The following CDH18 variants were observed in gnomAD, a reference collection of about 807,000 sequenced individuals.
CDH18 encodes cadherin-18.
CDH18 carries 31 observed loss-of-function variants against 67.9 expected under a neutral mutation model. That is an observed-to-expected ratio of 0.46 (90% CI 0.34 to 0.62). The LOEUF (loss-of-function observed/expected upper bound fraction) is 0.62. CDH18 is among the 20% of genes least tolerant of loss of function. The pLI is 0.01. For synonymous variants in CDH18, 362 were observed against 347.2 expected (o/e 1.04, Z -0.48); for missense variants, 890 against 975.5 (o/e 0.91, Z 1.17).
intron 2 of CDH18, among the ~76,000 whole-genome samples, chr5:20,097,194 T>C (rs1746060992): frequency 6.6e-6 from 1 of 152,156 alleles, no homozygotes; most frequent in African/African-American, 2.4e-5. Context: ...GACCACTAGC[T>C]CATCCCCAGT....
intron 4 of CDH18, among the ~76,000 whole-genome samples, chr5:19,740,944 AG>A (rs1316988712): frequency 6.6e-6 from 1 of 152,118 alleles, no homozygotes; most frequent in Admixed American, 6.5e-5. Context: ...TCACAAAAAA[AG>A]GAAAATTTAA....
At chr5:20,431,504 A>AAAAAAGAAGAAG (rs536468948) in intron 1 of CDH18, among the ~76,000 whole-genome samples, 2 of 138,810 alleles carry the variant, frequency 1.4e-5, no homozygotes, top group Admixed American at 7.2e-5. Context: ...AAAAAAAAAA[A>AAAAAAGAAGAAG]AAGAAGAAGA....
At chr5:20,328,117 A>G (rs1217705039) in intron 1 of CDH18, among the ~76,000 whole-genome samples, 1 of 151,888 alleles carries the variant, frequency 6.6e-6, no homozygotes, top group Non-Finnish European at 1.5e-5. Context: ...ATGAGGGAGG[A>G]AGGAAGCCTT....
chr5:19,956,483 A>G (rs1366281659), intron 2 of CDH18, among the ~76,000 whole-genome samples: 1 of 151,926 alleles, frequency 6.6e-6, no homozygotes, highest in Admixed American at 6.6e-5. Flanking sequence ...CTTTCATTAC[A>G]GAGTGATGCT....
chr5:19,503,472 A>C (rs1356748142), intron 10 of CDH18, among the ~76,000 whole-genome samples: 1 of 152,104 alleles, frequency 6.6e-6, no homozygotes, highest in Non-Finnish European at 1.5e-5. Context: ...TAAATATCCC[A>C]GTGTTGATTC....
intron 5 of CDH18, among the ~76,000 whole-genome samples, chr5:19,673,083 T>C (rs1758974722): frequency 6.6e-6 from 1 of 152,060 alleles, no homozygotes; most frequent in South Asian, 2.1e-4. Flanking sequence ...TTTGTGACAT[T>C]AGTGAATTAC....
rs575981602 is a variant in CDH18, at chr5:19,526,187, C to T, written c.1391-5409G>A. Among the ~76,000 whole-genome samples, 183 of 152,168 alleles carry T rather than the reference C, an allele frequency of 1.2e-3. 3 individuals carry two copies. In the South Asian group the frequency reaches 0.034, roughly 28 times the overall value. ...CGGTAACTATGTCAACTTTATAATA[C>T]TGAGCCTGGGAAAAAGCAGAATGTA... On this transcript the variant is annotated intron_variant, in intron 9 of 12. Coordinates refer to ENST00000382275, the MANE Select transcript of CDH18 (RefSeq NM_004934.5).
chr5:20,100,816 G>T (rs939765104), intron 2 of CDH18, among the ~76,000 whole-genome samples: 6 of 151,832 alleles, frequency 4.0e-5, no homozygotes, highest in African/African-American at 7.3e-5. Context: ...AAAAAAAATT[G>T]TTTTCTCTTG....
intron 2 of CDH18, among the ~76,000 whole-genome samples, chr5:20,111,804 A>G (rs915745900): frequency 1.3e-5 from 2 of 151,902 alleles, no homozygotes; most frequent in African/African-American, 4.8e-5. Flanking sequence ...CGGCCTCCCA[A>G]AGTGCTGGGA....
intron 9 of CDH18, 91 bp downstream of exon 9, chr5:19,543,778 T>G: frequency 3.5e-6 from 3 of 863,156 alleles, no homozygotes; most frequent in Non-Finnish European, 5.2e-6. Context: ...ATATCAAAAA[T>G]AAAGATTATG....
chr5:20,568,367 A>C (rs1056940312), intron 1 of CDH18, among the ~76,000 whole-genome samples: 2 of 152,164 alleles, frequency 1.3e-5, no homozygotes, highest in Admixed American at 1.3e-4. Context: ...ATGGGTCAAA[A>C]TGTTCTGTCA....
At chr5:20,219,225 C>T (rs1561886752) in intron 2 of CDH18, among the ~76,000 whole-genome samples, 1 of 151,626 alleles carries the variant, frequency 6.6e-6, no homozygotes, top group African/African-American at 2.4e-5. Context: ...AATTGGAAAA[C>T]TTAGAAGAAA....
intron 2 of CDH18, among the ~76,000 whole-genome samples, chr5:20,215,786 G>T (rs76334822): frequency 0.013 from 1,946 of 151,992 alleles, 42 homozygotes; most frequent in African/African-American, 0.043. Context: ...ATGGAATACT[G>T]TGCATTCATT....
chr5:20,292,541 A>G (rs942889157), intron 1 of CDH18, among the ~76,000 whole-genome samples: 2 of 152,210 alleles, frequency 1.3e-5, no homozygotes, highest in Admixed American at 6.5e-5. Context: ...TAGCTGCCAT[A>G]AAACAAGGAA....
In CDH18 at chr5:20,047,390, C is replaced by A. The variant is rs977362806; in HGVS notation, c.-517-55376G>T. ...GCGAAATCATTTGAACTTTAAAACA[C>A]CTTTGCACTATTTTCATTATTAAAT... is the stretch of plus-strand genomic sequence containing the variant. On this transcript the variant is annotated intron_variant, in intron 2 of 14. Coordinates refer to the CDH18 transcript ENST00000507958. 3.3e-5 allele frequency among the ~76,000 whole-genome samples: 5 copies of A among 151,810 alleles called. No homozygotes were observed. The East Asian group carries it at 9.6e-4, about 29-fold the overall frequency.
At chr5:20,109,269 C>G (rs914880469) in intron 2 of CDH18, among the ~76,000 whole-genome samples, 3 of 152,158 alleles carry the variant, frequency 2.0e-5, no homozygotes, top group Non-Finnish European at 4.4e-5. Flanking sequence ...CATCCTTTTA[C>G]GAAAGAGGGT....
At chr5:19,782,652 C>G (rs564477011) in intron 3 of CDH18, among the ~76,000 whole-genome samples, 1 of 152,254 alleles carries the variant, frequency 6.6e-6, no homozygotes, top group African/African-American at 2.4e-5. Flanking sequence ...TTTACATGAG[C>G]GCACTTAGAC....
At chr5:20,238,624 T>A (rs905451937) in intron 2 of CDH18, among the ~76,000 whole-genome samples, 2 of 152,158 alleles carry the variant, frequency 1.3e-5, no homozygotes, top group Non-Finnish European at 2.9e-5. Flanking sequence ...AAATGGTATA[T>A]TCACTTCAAA....
At chr5:19,900,340 C>A (rs772320909) in intron 2 of CDH18, among the ~76,000 whole-genome samples, 1 of 152,074 alleles carries the variant, frequency 6.6e-6, no homozygotes, top group Non-Finnish European at 1.5e-5. Context: ...AGTATGACTA[C>A]TGTTAACAAT....
Sources: allele counts gnomAD v4.1 joint callset (sites outside exome capture counted in the v4.1 genomes callset), GRCh38; gene constraint gnomAD v4.1.1; transcripts MANE v1.5; gene names NCBI Gene and HGNC (gene_info 2026-07-23, HGNC 2026-07-21).